Variants in CACNA1A observed in about 807,000 individuals in gnomAD.
CACNA1A encodes the protein calcium voltage-gated channel subunit alpha1 A.
CACNA1A carries 57 observed loss-of-function variants against 262.4 expected under a neutral mutation model. The observed-to-expected ratio is 0.22, with a 90% CI of 0.18 to 0.27. The LOEUF (loss-of-function observed/expected upper bound fraction) is 0.27, where lower values mean the gene tolerates loss of function less well. Among genes scored for constraint, CACNA1A ranks in the 10% least tolerant of loss-of-function variants. CACNA1A has a pLI of 1.00. For missense variants in CACNA1A, 2,526 were observed against 3,562.8 expected (o/e 0.71, Z 7.41); for synonymous variants, 1,431 against 1,419.3 (o/e 1.01, Z -0.18).
At chr19:13,369,266 G>T (rs548186270) in intron 4 of CACNA1A, among the ~76,000 whole-genome samples, 1 of 152,206 alleles carries the variant, frequency 6.6e-6, no homozygotes, top group South Asian at 2.1e-4. Context: ...GAGCTACTGC[G>T]TCTCTACCTC....
chr19:13,220,138 G>A (rs1428363347), intron 38 of CACNA1A, among the ~76,000 whole-genome samples: 2 of 152,040 alleles, frequency 1.3e-5, no homozygotes, highest in Admixed American at 1.3e-4. Flanking sequence ...GTGGGCACCT[G>A]TAATCTCAGC....
chr19:13,248,767 C>T (rs1265291498), intron 30 of CACNA1A, among the ~76,000 whole-genome samples: 8 of 151,442 alleles, frequency 5.3e-5, no homozygotes, highest in Non-Finnish European at 1.0e-4. Flanking sequence ...TGCTTGAACC[C>T]GGGAAGCAGA....
At chr19:13,440,001 C>T (rs2060687018) in intron 3 of CACNA1A, among the ~76,000 whole-genome samples, 2 of 152,158 alleles carry the variant, frequency 1.3e-5, no homozygotes, top group South Asian at 4.1e-4. Flanking sequence ...GTTGCCCAGG[C>T]TGGGCTGGAG....
intron 3 of CACNA1A, among the ~76,000 whole-genome samples, chr19:13,388,244 T>TC (rs2059650168): frequency 7.7e-6 from 1 of 129,518 alleles, no homozygotes; most frequent in South Asian, 2.4e-4. Context: ...TTCTTCCTCT[T>TC]CTTTTTTTTT....
At chr19:13,336,596 A>AGAGAGG (rs2058574424) in intron 6 of CACNA1A, among the ~76,000 whole-genome samples, 7 of 89,600 alleles carry the variant, frequency 7.8e-5, no homozygotes, top group African/African-American at 1.6e-4. Flanking sequence ...AGAGAGAGGG[A>AGAGAGG]GAGAGAGAGA....
At chr19:13,495,512 G>A (rs925049855) in intron 1 of CACNA1A, among the ~76,000 whole-genome samples, 1 of 152,068 alleles carries the variant, frequency 6.6e-6, no homozygotes. Flanking sequence ...TAGCCAGGAT[G>A]GTCTCTATCT....
At chr19:13,222,000 G>A (rs564773782) in intron 38 of CACNA1A, among the ~76,000 whole-genome samples, 3 of 152,080 alleles carry the variant, frequency 2.0e-5, no homozygotes, top group East Asian at 1.9e-4. Context: ...TCTGCCTCCC[G>A]GGTTCAAGTG....
intron 1 of CACNA1A, among the ~76,000 whole-genome samples, chr19:13,467,023 A>C (rs981976516): frequency 2.6e-5 from 4 of 152,082 alleles, no homozygotes; most frequent in African/African-American, 7.2e-5. Flanking sequence ...GGCGTGAGCC[A>C]CTGCATCCAG....
At chr19:13,315,083 C>T (rs1377691105) in intron 11 of CACNA1A, among the ~76,000 whole-genome samples, 2 of 152,206 alleles carry the variant, frequency 1.3e-5, no homozygotes, top group East Asian at 1.9e-4. Context: ...CCATCAAATC[C>T]GGTTTCTACC....
intron 24 of CACNA1A, chr19:13,274,402 G>T (rs1363322910): frequency 6.6e-6 from 1 of 152,136 alleles, no homozygotes; most frequent in Non-Finnish European, 1.5e-5. Flanking sequence ...GACCATTCAA[G>T]GGCCCCTCCA....
intron 43 of CACNA1A, 192 bp downstream of exon 43, chr19:13,211,911 G>A (rs2054826397): frequency 3.5e-6 from 2 of 572,630 alleles, no homozygotes; most frequent in Admixed American, 3.0e-5. Flanking sequence ...TGTGAGGGAG[G>A]AGGGTCTGCA....
rs2054618011 is a variant in CACNA1A, at chr19:13,207,712, C to T, written c.7122G>A (p.Pro2374=). The change falls in exon 47 of 47, where the codon CCG becomes CCA. Residue 2374 remains proline, a synonymous_variant. Coordinates refer to ENST00000360228, the MANE Select transcript of CACNA1A (RefSeq NM_001127222.2). This position sits in a 1 kb window ranked among gnomAD's most constrained non-coding sequence, Gnocchi z 5.7. ...SPRMERRVPG[P]ARSESPRACR... is the part of the protein sequence containing the mutation. ...AGGCCCTGGGGGACTCGCTCCGGGCCGGGCCTGGGACCCGCCTCTCCATCC... is the reference window on the plus strand; with the variant it reads ...AGGCCCTGGGGGACTCGCTCCGGGCTGGGCCTGGGACCCGCCTCTCCATCC... 2.2e-6 allele frequency: 3 copies of T among 1,361,746 alleles called. No homozygotes were observed. The highest frequency in any genetic ancestry group is 2.8e-6 in the Non-Finnish European group (3 of 1,061,588). The allele number at this position is 1,361,746 out of a possible 1,614,324, so 84.4% of individuals were successfully genotyped here.
At position 13,308,064 on chromosome 19, in the gene CACNA1A, G is replaced by A. The variant is rs964403178; in HGVS notation, c.1913+56C>T. 1.9e-6 allele frequency: 3 copies of A among 1,605,208 alleles called. No homozygotes were observed. The highest frequency in any genetic ancestry group is 2.7e-5 in the African/African-American group (2 of 74,742). On this transcript the variant is annotated intron_variant, in intron 14 of 46. Coordinates refer to ENST00000360228, the MANE Select transcript of CACNA1A (RefSeq NM_001127222.2). The surrounding 1 kb of genome is among the most constrained non-coding windows in gnomAD (Gnocchi z 4.2). Reference sequence around the variant, plus strand: ...GCCTGCACGGTGGAGGGGACTGTGTGTTCCCTGAGCCTGACCCCAGGGAAC... The same window carrying A: ...GCCTGCACGGTGGAGGGGACTGTGTATTCCCTGAGCCTGACCCCAGGGAAC...
intron 1 of CACNA1A, among the ~76,000 whole-genome samples, chr19:13,472,138 T>C (rs923180935): frequency 2.0e-5 from 3 of 151,968 alleles, no homozygotes; most frequent in Admixed American, 2.0e-4. Context: ...AATTTTTAAT[T>C]TTTATTTTTA....
intron 24 of CACNA1A, chr19:13,275,632 A>G (rs1054275867): frequency 1.7e-6 from 1 of 572,668 alleles, no homozygotes; most frequent in South Asian, 1.9e-5. Context: ...AGGAGGTAGA[A>G]GGTTGGCAGG....
chr19:13,360,269 A>G lies in CACNA1A; in HGVS notation c.785-470T>C, dbSNP rs1055217757. Among the ~76,000 whole-genome samples the G allele has an allele frequency of 1.2e-3, 133 of 107,992 alleles. 1 individual carries two copies. The highest frequency in any genetic ancestry group is 3.1e-3 in the South Asian group (13 of 4,212). The allele number at this position is 107,992 out of a possible 152,430, so 70.8% of individuals were successfully genotyped here. ...GGTGTCTGTGTGTGTGTGTGTGTAT[A>G]TATATATATATATATATGAAGACAG... On this transcript the variant is annotated intron_variant, in intron 5 of 46. Transcript: ENST00000360228.
At chr19:13,321,982 T>A (rs566042706) in intron 10 of CACNA1A, among the ~76,000 whole-genome samples, 3 of 151,980 alleles carry the variant, frequency 2.0e-5, no homozygotes, top group Non-Finnish European at 2.9e-5. Context: ...GATGGGCAGA[T>A]CGTAAGGTCA....
rs866667085 is a variant in CACNA1A, at chr19:13,212,703, G to T, written c.5978C>A (p.Pro1993Gln). 2 of 1,509,096 alleles carry T rather than the reference G, an allele frequency of 1.3e-6. No homozygotes were observed. The highest frequency in any genetic ancestry group is 4.6e-5 in the East Asian group (2 of 43,644). 93.5% of individuals were successfully genotyped at this position (1,509,096 alleles called of 1,614,324 possible). Residue 1993 changes from proline to glutamine, a missense_variant, in exon 41 of 47, where the codon CCG becomes CAG. Pro to Gln is a moderately conservative substitution (Grantham distance 76). Around this residue, in one of 17 missense-constraint regions of CACNA1A, gnomAD observed 929 missense variants for 868.1 expected, o/e 1.07. Coordinates refer to ENST00000360228, the MANE Select transcript of CACNA1A (RefSeq NM_001127222.2). This position sits in a 1 kb window ranked among gnomAD's most constrained non-coding sequence, Gnocchi z 5.6. ...AGGTCCCCCTTCCTGCGTTGGGGAC[G>T]GGGGCTCCATGCGCTGGAACATGAG... Reference protein sequence around the residue: ...TPLMFQRMEPPSPTQEGGPGQ... With the variant: ...TPLMFQRMEPQSPTQEGGPGQ...
intron 3 of CACNA1A, among the ~76,000 whole-genome samples, chr19:13,444,478 A>C (rs185299841): frequency 6.6e-6 from 1 of 152,152 alleles, no homozygotes; most frequent in Admixed American, 6.6e-5. Flanking sequence ...GAGAGAGGAC[A>C]TGAGAGGTGT....
Sources: gnomAD v4.1 joint callset for allele counts (sites outside exome capture counted in the v4.1 genomes callset) on GRCh38, gnomAD v4.1.1 for gene constraint, gnomAD v4.1.1 regional missense constraint, Gnocchi (gnomAD v3.1) non-coding constraint, MANE v1.5 for transcripts, NCBI Gene and HGNC (gene_info 2026-07-23, HGNC 2026-07-21) for gene names.